IRAK1BP1: variants seen among roughly 807,000 people sequenced by gnomAD.
The protein encoded by IRAK1BP1 is interleukin-1 receptor-associated kinase 1-binding protein 1.
A neutral mutation model predicts 28.0 loss-of-function variants in IRAK1BP1; 24 were observed. That is an observed-to-expected ratio of 0.86 (90% CI 0.62 to 1.20). The LOEUF (loss-of-function observed/expected upper bound fraction) is 1.20, where lower values mean the gene tolerates loss of function less well. Ranked by LOEUF, IRAK1BP1 falls within the 50% of genes most tolerant of loss-of-function variation. IRAK1BP1 has a pLI of 0.00. For synonymous variants in IRAK1BP1, 131 were observed against 116.3 expected (o/e 1.13, Z -0.81); for missense variants, 336 against 316.7 (o/e 1.06, Z -0.46).
Position 78,879,582 on chromosome 6 carries a change from T to C in IRAK1BP1, c.316-5796T>C, listed in dbSNP as rs74560554. Among the ~76,000 whole-genome samples the C allele has an allele frequency of 7.1e-4, 108 of 152,306 alleles. 1 individual carries two copies. The East Asian group carries it at 0.018, about 25-fold the overall frequency. On this transcript the variant is annotated intron_variant, in intron 1 of 3. Transcript: ENST00000369940. ...AAACTTTGTTCAAAATTGGTCAATA[T>C]TGAGCATGTAGCATCTGTTGCCTGT...
chr6:78,930,853 C>G (rs896134392), intron 4 of IRAK1BP1, among the ~76,000 whole-genome samples: 1 of 152,064 alleles, frequency 6.6e-6, no homozygotes, highest in African/African-American at 2.4e-5. Context: ...ATCACTTGAA[C>G]CCGGTAGGTG....
intron 4 of IRAK1BP1, among the ~76,000 whole-genome samples, chr6:78,925,689 G>T (rs1400936101): frequency 2.6e-5 from 4 of 152,094 alleles, no homozygotes; most frequent in African/African-American, 9.7e-5. Flanking sequence ...CCATCACTAG[G>T]TATATTCCCA....
rs533524147 is a variant in IRAK1BP1, at chr6:78,898,580, A to G, written c.*246A>G. The G allele has an allele frequency of 6.1e-4, 92 of 151,790 alleles. 1 individual carries two copies. The highest frequency in any genetic ancestry group is 1.2e-3 in the Non-Finnish European group (80 of 68,072). The allele number at this position is 151,790 out of a possible 1,614,324, so 9.4% of individuals were successfully genotyped here. A position where few individuals can be genotyped will look rare whatever the true frequency, so the allele number is the denominator to read the frequency against. On this transcript the variant is annotated 3_prime_UTR_variant, in exon 4 of 4. Transcript: ENST00000369940. ...CTTGGATAATAAATGTATTATGTGC[A>G]TACTTATATACTGACAGTTCATACA...
the IRAK1BP1 span, chr6:78,969,982 T>C: frequency 1.9e-6 from 3 of 1,589,150 alleles, no homozygotes; most frequent in Admixed American, 3.4e-5. Context: ...GATGTTCAAA[T>C]GTATCTGAAT....
chr6:78,907,869 G>A (rs540191915), downstream of IRAK1BP1, among the ~76,000 whole-genome samples: 18 of 151,298 alleles, frequency 1.2e-4, no homozygotes, highest in African/African-American at 4.4e-4. Flanking sequence ...ACAGGCGCAT[G>A]CCTCCAGGCC....
At chr6:78,927,046 T>C (rs2135768) in intron 4 of IRAK1BP1, among the ~76,000 whole-genome samples, 136,027 of 152,174 alleles carry the variant, frequency 0.89, 60,829 homozygotes, top group Admixed American at 0.9. Flanking sequence ...GATTTCCTTT[T>C]TTTTTTGGTG....
chr6:78,927,883 A>G (rs1772935021), intron 4 of IRAK1BP1, among the ~76,000 whole-genome samples: 1 of 151,962 alleles, frequency 6.6e-6, no homozygotes, highest in Non-Finnish European at 1.5e-5. Flanking sequence ...ATTCTGTTCC[A>G]TTGGTCTATG....
chr6:78,975,148 A>T, the IRAK1BP1 span, among the ~76,000 whole-genome samples: 1 of 151,928 alleles, frequency 6.6e-6, no homozygotes, highest in African/African-American at 2.4e-5. Flanking sequence ...AACCGAATCC[A>T]GCAGCACATC....
At chr6:78,974,830 T>C in the IRAK1BP1 span, among the ~76,000 whole-genome samples, 50 of 150,930 alleles carry the variant, frequency 3.3e-4, no homozygotes, top group African/African-American at 1.1e-3. Context: ...CAGGAAGAAG[T>C]TGAATCTCTG....
the IRAK1BP1 span, chr6:78,970,857 T>A: frequency 6.2e-7 from 1 of 1,610,554 alleles, no homozygotes; most frequent in Non-Finnish European, 8.5e-7. Context: ...CATTTCGACA[T>A]AGGCTTCATG....
the IRAK1BP1 span, among the ~76,000 whole-genome samples, chr6:78,975,560 A>G: frequency 6.6e-6 from 1 of 152,190 alleles, no homozygotes; most frequent in South Asian, 2.1e-4. Context: ...AGGGTATTCA[A>G]TTAGGAAAAG....
intron 4 of IRAK1BP1, among the ~76,000 whole-genome samples, chr6:78,908,533 G>T (rs901524914): frequency 1.3e-5 from 2 of 152,066 alleles, no homozygotes; most frequent in African/African-American, 4.8e-5. Context: ...TAGAGATGAG[G>T]TCTCACTATG....
chr6:78,875,944 TTTC>T (rs1342370797), intron 1 of IRAK1BP1, among the ~76,000 whole-genome samples: 6 of 152,296 alleles, frequency 3.9e-5, no homozygotes, highest in Non-Finnish European at 7.3e-5. Flanking sequence ...GTTTTATGGT[TTTC>T]TTCTTGTTTA....
the IRAK1BP1 span, among the ~76,000 whole-genome samples, chr6:78,974,516 T>C: frequency 2.0e-5 from 3 of 150,798 alleles, no homozygotes; most frequent in Non-Finnish European, 4.4e-5. Context: ...AGGCAAGAAA[T>C]AACTAAGATC....
At chr6:78,972,666 T>A in the IRAK1BP1 span, among the ~76,000 whole-genome samples, 13 of 151,924 alleles carry the variant, frequency 8.6e-5, no homozygotes, top group Middle Eastern at 3.2e-3. Flanking sequence ...GAATAATCAA[T>A]ACAGAGAAGT....
chr6:78,870,983 C>T (rs970842734), intron 1 of IRAK1BP1, among the ~76,000 whole-genome samples: 32 of 152,102 alleles, frequency 2.1e-4, no homozygotes, highest in Non-Finnish European at 2.9e-5. Flanking sequence ...GGATTACAGG[C>T]GTGAGCCACT....
At chr6:78,969,137 T>G in the IRAK1BP1 span, among the ~76,000 whole-genome samples, 4 of 152,228 alleles carry the variant, frequency 2.6e-5, no homozygotes, top group Non-Finnish European at 5.9e-5. Flanking sequence ...TCCATAATTT[T>G]GATAGCTTCC....
At chr6:78,894,855 TC>T (rs1180700966) in intron 2 of IRAK1BP1, among the ~76,000 whole-genome samples, 1 of 152,112 alleles carries the variant, frequency 6.6e-6, no homozygotes, top group Non-Finnish European at 1.5e-5. Context: ...ACACCTGTAA[TC>T]CCAGCACTTT....
At chr6:78,892,826 A>G (rs1771712121) in intron 2 of IRAK1BP1, among the ~76,000 whole-genome samples, 1 of 152,174 alleles carries the variant, frequency 6.6e-6, no homozygotes, top group Non-Finnish European at 1.5e-5. Flanking sequence ...CTTACACAAG[A>G]CGTGCTTAGT....
Sources: allele counts gnomAD v4.1 joint callset (sites outside exome capture counted in the v4.1 genomes callset), GRCh38; gene constraint gnomAD v4.1.1; transcripts MANE v1.5; gene names NCBI Gene and HGNC (gene_info 2026-07-23, HGNC 2026-07-21).